Variants in PCTP observed in about 807,000 individuals in gnomAD.
PCTP encodes the protein START domain-containing protein 2.
A neutral mutation model predicts 31.0 loss-of-function variants in PCTP; 27 were observed. That is an observed-to-expected ratio of 0.87 (90% confidence interval 0.64 to 1.20). PCTP has a LOEUF of 1.20. Ranked by LOEUF, PCTP falls within the 50% of genes most tolerant of loss-of-function variation. The probability of loss-of-function intolerance (pLI) is 0.00; values close to 1 mark genes in which losing one functional copy is unlikely to be tolerated. For missense variants in PCTP, 287 were observed against 268.2 expected, an observed-to-expected ratio of 1.07 and a Z score of -0.49; for synonymous variants, 108 against 101.2, an observed-to-expected ratio of 1.07 and a Z score of -0.40.
At chr17:55,771,858 A>T (rs558022319) in intron 3 of PCTP, among the ~76,000 whole-genome samples, 2 of 152,144 alleles carry the variant, frequency 1.3e-5, no homozygotes, top group Admixed American at 1.3e-4. Flanking sequence ...TGGAAGTAGG[A>T]TGACTCCTAG....
chr17:55,767,780 T>A (rs1249160657), intron 2 of PCTP, among the ~76,000 whole-genome samples: 1 of 150,072 alleles, frequency 6.7e-6, no homozygotes, highest in African/African-American at 2.4e-5. Context: ...TTTTTTTTTT[T>A]TTTTTGATCA....
At chr17:55,831,199 G>C (rs1220119191) in intron 5 of PCTP, among the ~76,000 whole-genome samples, 1 of 152,210 alleles carries the variant, frequency 6.6e-6, no homozygotes. Flanking sequence ...CTCGGTAGCT[G>C]ACAGTTCTTG....
downstream of PCTP, among the ~76,000 whole-genome samples, chr17:55,844,060 T>C (rs1271424782): frequency 6.6e-6 from 1 of 152,230 alleles, no homozygotes; most frequent in Non-Finnish European, 1.5e-5. Flanking sequence ...AAGCGATAAA[T>C]GGCTTTTCAA....
intron 5 of PCTP, among the ~76,000 whole-genome samples, chr17:55,839,235 A>G (rs1370126608): frequency 1.3e-4 from 20 of 152,202 alleles, no homozygotes; most frequent in Non-Finnish European, 1.5e-5. Context: ...AAGGGGAACA[A>G]TAACGATTTT....
intron 1 of PCTP, 43 bp from the exon 2 acceptor site, chr17:55,767,292 A>T: frequency 7.9e-7 from 1 of 1,263,184 alleles, no homozygotes; most frequent in Non-Finnish European, 1.1e-6. Context: ...CTTTCTCTCA[A>T]CTTGGGAACC....
chr17:55,782,825 A>G (rs1183166410), intron 2 of PCTP, among the ~76,000 whole-genome samples: 2 of 152,226 alleles, frequency 1.3e-5, no homozygotes, highest in African/African-American at 4.8e-5. Flanking sequence ...AGTTGAAGTC[A>G]ATCCCTATTC....
At chr17:55,833,644 A>T (rs956640656) in intron 5 of PCTP, among the ~76,000 whole-genome samples, 5 of 152,210 alleles carry the variant, frequency 3.3e-5, no homozygotes, top group African/African-American at 7.2e-5. Flanking sequence ...CAATTCATAC[A>T]TTCAGAGGTG....
At chr17:55,830,546 C>T (rs1310581658) in intron 5 of PCTP, among the ~76,000 whole-genome samples, 1 of 152,148 alleles carries the variant, frequency 6.6e-6, no homozygotes, top group African/African-American at 2.4e-5. Context: ...ATTCCACATT[C>T]TGACAGGAAA....
chr17:55,824,851 T>A (rs1255215475), downstream of PCTP, among the ~76,000 whole-genome samples: 5 of 152,210 alleles, frequency 3.3e-5, no homozygotes, highest in Admixed American at 2.6e-4. Context: ...GTATAGACTT[T>A]ATAACACTGC....
At chr17:55,808,334 G>T (rs550599592) in intron 3 of PCTP, among the ~76,000 whole-genome samples, 67 of 152,296 alleles carry the variant, frequency 4.4e-4, no homozygotes, top group South Asian at 4.1e-3. Flanking sequence ...TCTCTGAGAA[G>T]CATTCTCTAC....
intron 1 of PCTP, among the ~76,000 whole-genome samples, chr17:55,765,150 T>C (rs1449468070): frequency 6.6e-6 from 1 of 152,240 alleles, no homozygotes; most frequent in East Asian, 1.9e-4. Flanking sequence ...CAGTCTTTTA[T>C]ACAGAATCAA....
rs527345770 is a variant in PCTP at position 55,762,833 on chromosome 17, T to C, written c.142-4502T>C. ...GAGACCAGGGAAGTTATTGGCTGTTTACATTGCCACGGGGTTCTCTTAATA... is the reference window on the plus strand; with the variant it reads ...GAGACCAGGGAAGTTATTGGCTGTTCACATTGCCACGGGGTTCTCTTAATA... On this transcript the variant is annotated intron_variant, in intron 1 of 5. Coordinates refer to ENST00000268896, the MANE Select transcript of PCTP (RefSeq NM_021213.4). Among the ~76,000 whole-genome samples the C allele has an allele frequency of 6.8e-4, 102 of 150,046 alleles. 2 individuals are homozygous for C. The South Asian group carries it at 0.02, about 30-fold the overall frequency.
chr17:55,827,126 G>A (rs546014172), downstream of PCTP, among the ~76,000 whole-genome samples: 1 of 152,094 alleles, frequency 6.6e-6, no homozygotes, highest in African/African-American at 2.4e-5. Context: ...TCTCACTAGG[G>A]AGGCAAAGTC....
chr17:55,777,080 A>G lies in PCTP; in HGVS notation c.*980A>G. ...CTTAATGACTCTGCACCTTTTTCTC[A>G]GGAATTCTGCCTAAGTTGTCTGCCT... is the stretch of plus-strand genomic sequence containing the variant. On this transcript the variant is annotated 3_prime_UTR_variant, in exon 6 of 6. Transcript: ENST00000268896. 1.0e-6 allele frequency: 1 copy of G among 985,882 alleles called. No homozygotes were observed. Among genetic ancestry groups the G allele is most frequent in the Non-Finnish European group, 1.2e-6 (1 of 829,938 alleles). The allele number at this position is 985,882 out of a possible 1,614,324, so 61.1% of individuals were successfully genotyped here.
At position 55,776,919 on chromosome 17, in the gene PCTP, T is replaced by C. The variant is rs1168882886; in HGVS notation, c.*819T>C. On this transcript the variant is annotated 3_prime_UTR_variant, in exon 6 of 6. Coordinates refer to ENST00000268896, the MANE Select transcript of PCTP (RefSeq NM_021213.4). The stretch of plus-strand genomic sequence containing the variant: ...GAGGCGTCAAGATGGCTGTGGCAGC[T>C]AGCAAAAGCAAAGATGCTTTGTGCA... 4.0e-6 allele frequency: 4 copies of C among 988,966 alleles called. No homozygotes were observed. The highest frequency in any genetic ancestry group is 4.8e-6 in the Non-Finnish European group (4 of 832,558). The allele number at this position is 988,966 out of a possible 1,614,324, so 61.3% of individuals were successfully genotyped here.
At chr17:55,831,763 G>T (rs1280936591) in intron 5 of PCTP, among the ~76,000 whole-genome samples, 1 of 152,098 alleles carries the variant, frequency 6.6e-6, no homozygotes, top group Non-Finnish European at 1.5e-5. Context: ...ACCACGCCCG[G>T]CCAAACAGAC....
At chr17:55,771,714 C>G (rs1911016967) in intron 3 of PCTP, among the ~76,000 whole-genome samples, 1 of 152,114 alleles carries the variant, frequency 6.6e-6, no homozygotes, top group Non-Finnish European at 1.5e-5. Flanking sequence ...AAGCTTCTTC[C>G]CCTCAATGTC....
At position 55,771,065 on chromosome 17, in the gene PCTP, A is replaced by C. The variant is rs1910968839; in HGVS notation, c.260-41A>C. 5 of 1,488,430 alleles carry C rather than the reference A, an allele frequency of 3.4e-6. No homozygotes were observed. In the African/African-American group the frequency reaches 5.5e-5, roughly 16 times the overall value. The allele number at this position is 1,488,430 out of a possible 1,614,324, so 92.2% of individuals were successfully genotyped here. A position where few individuals can be genotyped will look rare whatever the true frequency, so the allele number is the denominator to read the frequency against. On this transcript the variant is annotated intron_variant, in intron 2 of 5. Transcript: ENST00000268896. Reference sequence around the variant, plus strand: ...TCATACCCTTATTAGTTGTAGCTAAAAAGGCTTCCAGATGCATTAACTTCT... The same window carrying C: ...TCATACCCTTATTAGTTGTAGCTAACAAGGCTTCCAGATGCATTAACTTCT...
chr17:55,759,586 T>C (rs1910233176), intron 1 of PCTP, among the ~76,000 whole-genome samples: 2 of 152,064 alleles, frequency 1.3e-5, no homozygotes, highest in Non-Finnish European at 2.9e-5. Flanking sequence ...GATAAATAGA[T>C]TGGGGGTGTT....
Sources: allele counts gnomAD v4.1 joint callset (sites outside exome capture counted in the v4.1 genomes callset), GRCh38; gene constraint gnomAD v4.1.1; transcripts MANE v1.5; gene names NCBI Gene and HGNC (gene_info 2026-07-23, HGNC 2026-07-21).